Variants in SNTB1 observed in about 807,000 individuals in gnomAD.
SNTB1 encodes the protein beta-1-syntrophin.
Under a neutral mutation model 48.9 loss-of-function variants are expected in SNTB1, and 36 were observed. The observed-to-expected ratio is 0.74, with a 90% CI of 0.56 to 0.97. SNTB1 has a LOEUF of 0.97. SNTB1 is among the 50% of genes least tolerant of loss of function. The pLI is 0.00. For synonymous variants in SNTB1, 299 were observed against 294.6 expected, an observed-to-expected ratio of 1.01 and a Z score of -0.15; for missense variants, 786 against 703.4, an observed-to-expected ratio of 1.12 and a Z score of -1.33.
At chr8:120,719,843 T>A (rs1385035198) in intron 1 of SNTB1, among the ~76,000 whole-genome samples, 1 of 152,202 alleles carries the variant, frequency 6.6e-6, no homozygotes, top group Admixed American at 6.5e-5. Context: ...CTCACATCAG[T>A]CCTCATGCCA....
At chr8:120,641,864 A>G (rs1817202134) in intron 2 of SNTB1, among the ~76,000 whole-genome samples, 1 of 152,196 alleles carries the variant, frequency 6.6e-6, no homozygotes, top group Non-Finnish European at 1.5e-5. Flanking sequence ...TCAGGCAAAA[A>G]TGGATGAATT....
intron 3 of SNTB1, among the ~76,000 whole-genome samples, chr8:120,590,705 C>CA (rs1159521478): frequency 7.6e-6 from 1 of 132,268 alleles, no homozygotes; most frequent in African/African-American, 3.0e-5. Flanking sequence ...TTTTTTGAGA[C>CA]AGAGTCGCTC....
chr8:120,796,070 G>C (rs1820114827), intron 1 of SNTB1, among the ~76,000 whole-genome samples: 1 of 151,914 alleles, frequency 6.6e-6, no homozygotes, highest in Non-Finnish European at 1.5e-5. Flanking sequence ...GGATAATGGG[G>C]GTAGATTTCC....
Position 120,634,344 on chromosome 8 carries a change from C to A in SNTB1, c.789-1693G>T, listed in dbSNP as rs890217324. ...CTATGTGCCAGGCAAACTTTTAAAT[C>A]ATTTTATAGTATTACATATAATGCT... On this transcript the variant is annotated intron_variant, in intron 2 of 6. Coordinates refer to ENST00000517992, the MANE Select transcript of SNTB1 (RefSeq NM_021021.4). 5.9e-5 allele frequency among the ~76,000 whole-genome samples: 9 copies of A among 152,034 alleles called. 1 individual carries two copies. Among genetic ancestry groups the A allele is most frequent in the African/African-American group, 2.2e-4 (9 of 41,364 alleles).
chr8:120,586,342 A>G (rs945440011), intron 3 of SNTB1, among the ~76,000 whole-genome samples: 2 of 152,156 alleles, frequency 1.3e-5, no homozygotes, highest in East Asian at 1.9e-4. Context: ...GGTATTTGCT[A>G]TCCTATAGTG....
At chr8:120,726,001 C>A (rs1312958543) in intron 1 of SNTB1, among the ~76,000 whole-genome samples, 1 of 152,132 alleles carries the variant, frequency 6.6e-6, no homozygotes, top group Non-Finnish European at 1.5e-5. Flanking sequence ...TGACAGATAA[C>A]CATGTGGGAG....
At chr8:120,557,727 G>A (rs902761954) in intron 4 of SNTB1, among the ~76,000 whole-genome samples, 2 of 152,152 alleles carry the variant, frequency 1.3e-5, no homozygotes, top group African/African-American at 2.4e-5. Flanking sequence ...GTAGGAGCCT[G>A]GTCTCCTCTC....
intron 4 of SNTB1, among the ~76,000 whole-genome samples, chr8:120,550,920 AG>A (rs1428033196): frequency 6.6e-6 from 1 of 152,218 alleles, no homozygotes; most frequent in African/African-American, 2.4e-5. Flanking sequence ...TTCAAAAAAA[AG>A]TTTTTAGACT....
chr8:120,587,175 C>T (rs952060958), intron 3 of SNTB1, among the ~76,000 whole-genome samples: 8 of 152,040 alleles, frequency 5.3e-5, no homozygotes, highest in African/African-American at 9.7e-5. Context: ...GAGCCGAGAT[C>T]GCACCACTGC....
intron 5 of SNTB1, among the ~76,000 whole-genome samples, chr8:120,542,628 T>C (rs1815307676): frequency 6.6e-6 from 1 of 152,070 alleles, no homozygotes; most frequent in Admixed American, 6.5e-5. Context: ...TACTCCAGCC[T>C]GGGCGACAGA....
intron 2 of SNTB1, among the ~76,000 whole-genome samples, chr8:120,640,621 C>T (rs988507391): frequency 1.3e-5 from 2 of 152,180 alleles, no homozygotes; most frequent in African/African-American, 4.8e-5. Flanking sequence ...GCCTTTTCTG[C>T]ATCTATTGAG....
intron 1 of SNTB1, among the ~76,000 whole-genome samples, chr8:120,763,583 C>T (rs190424519): frequency 1.3e-5 from 2 of 152,212 alleles, no homozygotes; most frequent in East Asian, 3.9e-4. Context: ...GACTACATAA[C>T]AGTTAAAAAA....
chr8:120,615,865 C>G (rs565854808), intron 3 of SNTB1, among the ~76,000 whole-genome samples: 35 of 152,190 alleles, frequency 2.3e-4, no homozygotes, highest in Admixed American at 2.2e-3. Context: ...ACCAATTTCT[C>G]TCTTAACTGG....
intron 2 of SNTB1, among the ~76,000 whole-genome samples, chr8:120,684,390 C>T (rs1360308647): frequency 6.6e-6 from 1 of 152,140 alleles, no homozygotes; most frequent in African/African-American, 2.4e-5. Context: ...CCCCAAAATT[C>T]TTAACTCATT....
chr8:120,804,509 G>A (rs1043253105), intron 1 of SNTB1, among the ~76,000 whole-genome samples: 45 of 152,092 alleles, frequency 3.0e-4, no homozygotes, highest in African/African-American at 1.1e-3. Flanking sequence ...GTAGTATACA[G>A]CAGGATGGGC....
At chr8:120,624,240 C>T (rs961100975) in intron 3 of SNTB1, among the ~76,000 whole-genome samples, 5 of 152,082 alleles carry the variant, frequency 3.3e-5, no homozygotes, top group Non-Finnish European at 7.4e-5. Flanking sequence ...ACCTGCCCGA[C>T]TAGGTAATTT....
chr8:120,760,306 A>AAAAC (rs1387726202), intron 1 of SNTB1, among the ~76,000 whole-genome samples: 1 of 152,058 alleles, frequency 6.6e-6, no homozygotes, highest in African/African-American at 2.4e-5. Context: ...CCAAAAAAAA[A>AAAAC]AAAAAAACCC....
At chr8:120,780,032 A>T (rs1477509968) in intron 1 of SNTB1, among the ~76,000 whole-genome samples, 1 of 151,368 alleles carries the variant, frequency 6.6e-6, no homozygotes, top group East Asian at 2.0e-4. Context: ...GTAACAGTGG[A>T]TGACACCTGA....
chr8:120,796,981 T>A (rs1017900125), intron 1 of SNTB1, among the ~76,000 whole-genome samples: 2 of 152,100 alleles, frequency 1.3e-5, no homozygotes, highest in African/African-American at 2.4e-5. Context: ...ATACATTTTT[T>A]AAAAATACAG....
Sources: allele counts gnomAD v4.1 joint callset (sites outside exome capture counted in the v4.1 genomes callset), GRCh38; gene constraint gnomAD v4.1.1; transcripts MANE v1.5; gene names NCBI Gene and HGNC (gene_info 2026-07-23, HGNC 2026-07-21).